The following A2ML1 variants were observed in gnomAD, a reference collection of about 807,000 sequenced individuals.
The protein encoded by A2ML1 is alpha-2-macroglobulin like 1, also known as alpha-2-macroglobulin-like protein 1.
Under a neutral mutation model 181.9 loss-of-function variants are expected in A2ML1, and 161 were observed. That is an observed-to-expected ratio of 0.89 (90% confidence interval 0.78 to 1.01). The LOEUF (loss-of-function observed/expected upper bound fraction) is 1.01, where lower values mean the gene tolerates loss of function less well. A2ML1 is among the 50% of genes least tolerant of loss of function. A2ML1 has a pLI of 0.00. For synonymous variants in A2ML1, 663 were observed against 666.8 expected, an observed-to-expected ratio of 0.99 and a Z score of 0.09; for missense variants, 1,670 against 1,768.1, an observed-to-expected ratio of 0.94 and a Z score of 1.00.
chr12:8,860,331 C>T (rs1944212057), intron 26 of A2ML1, among the ~76,000 whole-genome samples: 1 of 152,174 alleles, frequency 6.6e-6, no homozygotes, highest in South Asian at 2.1e-4. Flanking sequence ...GCATAAACCA[C>T]TGTGCGTGAC....
intron 23 of A2ML1, 57 bp from the exon 24 acceptor site, chr12:8,857,107 T>C (rs1944091117): frequency 2.6e-6 from 4 of 1,529,304 alleles, no homozygotes; most frequent in Non-Finnish European, 3.6e-6. Context: ...ATGATAACTC[T>C]TAGAGGGTCC....
chr12:8,864,145 T>C, intron 29 of A2ML1, 137 bp downstream of exon 29: 1 of 732,396 alleles, frequency 1.4e-6, no homozygotes, highest in Non-Finnish European at 2.2e-6. Context: ...TATATGGAAG[T>C]ATTCATAAAA....
Position 8,824,222 on chromosome 12 carries a change from G to GTT in A2ML1, c.409+366_409+367dup, listed in dbSNP as rs34400836. Among the ~76,000 whole-genome samples the GTT allele has an allele frequency of 2.2e-3, 199 of 92,302 alleles. 7 individuals are homozygous for GTT. The highest frequency in any genetic ancestry group is 7.3e-3 in the African/African-American group (169 of 23,170). The allele number at this position is 92,302 out of a possible 152,430, so 60.6% of individuals were successfully genotyped here. On this transcript the variant is annotated intron_variant, in intron 3 of 35. Coordinates refer to ENST00000299698, the MANE Select transcript of A2ML1 (RefSeq NM_144670.6). ...AGGGCATTTGGCTTGAGCTACTGGG[G>GTT]TTTTTTTTTTTTTTTTTTTTTTTTT...
At chr12:8,842,669 C>T (rs1048491052) in intron 11 of A2ML1, among the ~76,000 whole-genome samples, 9 of 152,188 alleles carry the variant, frequency 5.9e-5, no homozygotes, top group Admixed American at 5.9e-4. Flanking sequence ...ATCGTTCAAC[C>T]TCAGGACTTA....
chr12:8,879,244 C>A (rs766855062), downstream of A2ML1, among the ~76,000 whole-genome samples: 2 of 152,062 alleles, frequency 1.3e-5, no homozygotes, highest in Non-Finnish European at 2.9e-5. Flanking sequence ...GTAATCCCAG[C>A]AGTTTTGGAG....
In A2ML1 at chr12:8,829,755, C is replaced by CA. The variant is rs1413329194; in HGVS notation, c.440dup (p.Asn147LysfsTer7). On this transcript the variant is annotated frameshift_variant, in exon 4 of 36. Transcript: ENST00000299698. LOFTEE classifies it high-confidence loss of function. Reference sequence around the variant, plus strand: ...ATTTCCGCATTGTCACCATGGATAGCAACTTCGTTCCAGTGAATGACAAGG... The same window carrying CA: ...ATTTCCGCATTGTCACCATGGATAGCAAACTTCGTTCCAGTGAATGACAAGG... 4 of 1,613,652 alleles carry CA rather than the reference C, an allele frequency of 2.5e-6. No individual in the cohort carries two copies. The highest frequency in any genetic ancestry group is 3.4e-6 in the Non-Finnish European group (4 of 1,179,970).
intron 7 of A2ML1, 80 bp downstream of exon 7, chr12:8,836,419 AT>A: frequency 8.9e-7 from 1 of 1,125,806 alleles, no homozygotes; most frequent in Non-Finnish European, 1.3e-6. Flanking sequence ...GGGATGTGGG[AT>A]TATGGGTGGG....
intron 3 of A2ML1, 106 bp from the exon 4 acceptor site, chr12:8,829,621 C>T: frequency 1.7e-6 from 2 of 1,174,782 alleles, no homozygotes; most frequent in South Asian, 1.4e-5. Context: ...TGCCACTGCA[C>T]TCCAACCTGG....
chr12:8,857,689 T>G, intron 25 of A2ML1, 101 bp downstream of exon 25: 2 of 1,326,608 alleles, frequency 1.5e-6, no homozygotes, highest in Non-Finnish European at 2.1e-6. Flanking sequence ...CTTTCCTTCT[T>G]GCACTCAGTC....
intron 10 of A2ML1, 30 bp from the exon 11 acceptor site, chr12:8,841,339 T>C: frequency 6.2e-7 from 1 of 1,605,006 alleles, no homozygotes; most frequent in Non-Finnish European, 8.5e-7. Flanking sequence ...CCAAACCTAA[T>C]TCTAATCCGT....
chr12:8,847,937 C>T (rs1047247591), intron 15 of A2ML1, among the ~76,000 whole-genome samples: 9 of 150,078 alleles, frequency 6.0e-5, no homozygotes, highest in South Asian at 4.2e-4. Flanking sequence ...GTCGGGAGTT[C>T]GAGACCAGCC....
rs1267701366 is a variant in A2ML1, at chr12:8,850,278, A to G, written c.2234+4A>G. ...TCTGGGATCTGTTTCCTATTGGGTA[A>G]GTGATGACTCAAAAGTACAGTAAAG... On this transcript the variant is annotated splice_donor_region_variant and intron_variant, in intron 18 of 35. Coordinates refer to ENST00000299698, the MANE Select transcript of A2ML1 (RefSeq NM_144670.6). 3 of 1,604,666 alleles carry G rather than the reference A, an allele frequency of 1.9e-6. No individual in the cohort carries two copies. Among genetic ancestry groups the G allele is most frequent in the South Asian group, 2.2e-5 (2 of 89,602 alleles).
chr12:8,838,969 G>C, intron 9 of A2ML1, 144 bp from the exon 10 acceptor site: 1 of 540,548 alleles, frequency 1.8e-6, no homozygotes, highest in South Asian at 2.7e-5. Flanking sequence ...CAAAAGATTG[G>C]GGAGGTGAGG....
At chr12:8,841,021 A>AAGGAAGGACGGAC (rs1592119801) in intron 10 of A2ML1, among the ~76,000 whole-genome samples, 1 of 122,890 alleles carries the variant, frequency 8.1e-6, no homozygotes, top group East Asian at 2.3e-4. Context: ...GACGGAAGGA[A>AAGGAAGGACGGAC]GGAAGGAAGG....
rs776386210 is a variant in A2ML1 at position 8,843,154 on chromosome 12, C to T, written c.1269C>T (p.Asp423=). The T allele has an allele frequency of 1.9e-6, 3 of 1,614,146 alleles. No homozygotes were observed. The highest frequency in any genetic ancestry group is 2.5e-6 in the Non-Finnish European group (3 of 1,180,028). ...CTCAGGGAAAGTTTCAAATGGAAGA[C>T]TTAGTATATAATCCGGAACAAGTGC... ...VSLEGKFQME[D]LVYNPEQVPR... Residue 423 remains aspartate, a synonymous_variant, in exon 12 of 36, where the codon GAC becomes GAT. Coordinates refer to ENST00000299698, the MANE Select transcript of A2ML1 (RefSeq NM_144670.6).
chr12:8,873,929 G>A (rs1345800790), intron 33 of A2ML1, among the ~76,000 whole-genome samples: 1 of 152,120 alleles, frequency 6.6e-6, no homozygotes, highest in Non-Finnish European at 1.5e-5. Context: ...AAAGAGCCAG[G>A]AAGTCAGCAG....
At chr12:8,880,233 GC>G (rs1236736739), downstream of A2ML1, among the ~76,000 whole-genome samples, 2 of 152,150 alleles carry the variant, frequency 1.3e-5, no homozygotes, top group African/African-American at 4.8e-5. Context: ...GAGTGTGGTG[GC>G]AGGTGCCTAT....
chr12:8,854,302 CT>C, intron 21 of A2ML1, 53 bp downstream of exon 21: 1 of 1,530,816 alleles, frequency 6.5e-7, no homozygotes, highest in African/African-American at 1.4e-5. Flanking sequence ...TGCTCAGCAT[CT>C]CGTCTTGCTG....
intron 3 of A2ML1, among the ~76,000 whole-genome samples, chr12:8,829,384 G>C (rs4883184): frequency 0.84 from 128,134 of 152,146 alleles, 54,094 homozygotes; most frequent in East Asian, 0.99. Context: ...AGCAGGAGGC[G>C]GAGCGCGGTG....
Sources: allele counts gnomAD v4.1 joint callset (sites outside exome capture counted in the v4.1 genomes callset), GRCh38; gene constraint gnomAD v4.1.1; transcripts MANE v1.5; gene names NCBI Gene and HGNC (gene_info 2026-07-23, HGNC 2026-07-21).